The following IQCJ variants were observed in gnomAD, a reference collection of about 807,000 sequenced individuals.
The protein encoded by IQCJ is IQ motif containing J.
IQCJ carries 9 observed loss-of-function variants against 11.0 expected under a neutral mutation model. The ratio of observed to expected loss-of-function variants is 0.82; its 90% CI spans 0.49 to 1.43. IQCJ has a LOEUF of 1.43. IQCJ is among the 40% of genes most tolerant of loss of function. IQCJ has a pLI of 0.00. For synonymous variants in IQCJ, 55 were observed against 51.3 expected (o/e 1.07, Z -0.31); for missense variants, 146 against 133.2 (o/e 1.10, Z -0.47).
At chr3:159,170,960 A>G (rs1722453946) in intron 1 of IQCJ, among the ~76,000 whole-genome samples, 1 of 152,174 alleles carries the variant, frequency 6.6e-6, no homozygotes, top group Admixed American at 6.5e-5. Flanking sequence ...TATTTAAATA[A>G]CTTCTCCAGT....
intron 1 of IQCJ, among the ~76,000 whole-genome samples, chr3:159,237,479 T>G (rs1179953610): frequency 6.6e-6 from 1 of 152,214 alleles, no homozygotes; most frequent in East Asian, 1.9e-4. Context: ...TTCATTCTAA[T>G]AGTTCACACC....
chr3:159,263,750 G>A (rs1419323467), downstream of IQCJ: 38 of 985,036 alleles, frequency 3.9e-5, no homozygotes, highest in African/African-American at 7.0e-5. Flanking sequence ...TCAATAAATG[G>A]TTTTGCCTAG....
chr3:159,188,813 A>G (rs745923827), intron 1 of IQCJ, among the ~76,000 whole-genome samples: 1 of 152,130 alleles, frequency 6.6e-6, no homozygotes, highest in Non-Finnish European at 1.5e-5. Flanking sequence ...TGCCCAGCTC[A>G]TAGTAGGAGT....
chr3:159,186,191 T>A (rs1242116187), intron 1 of IQCJ, among the ~76,000 whole-genome samples: 1 of 152,168 alleles, frequency 6.6e-6, no homozygotes, highest in East Asian at 1.9e-4. Context: ...GGGGTGAGTC[T>A]GATTGGTCTA....
At chr3:159,113,814 A>G (rs1209520484) in intron 1 of IQCJ, among the ~76,000 whole-genome samples, 2 of 151,734 alleles carry the variant, frequency 1.3e-5, no homozygotes, top group Non-Finnish European at 3.0e-5. Flanking sequence ...TATGGAGCCT[A>G]AAATACTGAA....
chr3:159,088,249 TG>T (rs1383069331), intron 1 of IQCJ, among the ~76,000 whole-genome samples: 28 of 152,312 alleles, frequency 1.8e-4, no homozygotes, highest in African/African-American at 5.5e-4. Flanking sequence ...TTCTTAATCC[TG>T]AGTTCTAGTT....
At chr3:159,210,264 A>G (rs570044853) in intron 1 of IQCJ, among the ~76,000 whole-genome samples, 1 of 152,244 alleles carries the variant, frequency 6.6e-6, no homozygotes, top group Non-Finnish European at 1.5e-5. Context: ...ATTTGAAACA[A>G]TGTCAGTAAT....
chr3:159,144,536 G>A (rs1274320763), intron 1 of IQCJ, among the ~76,000 whole-genome samples: 1 of 152,084 alleles, frequency 6.6e-6, no homozygotes, highest in Non-Finnish European at 1.5e-5. Context: ...ACCTGTTCCT[G>A]GCAACATTGC....
intron 1 of IQCJ, among the ~76,000 whole-genome samples, chr3:159,188,404 C>CT (rs1723495954): frequency 6.6e-6 from 1 of 152,000 alleles, no homozygotes; most frequent in South Asian, 2.1e-4. Context: ...GAGTGAAACT[C>CT]TATCTCAAAA....
intron 1 of IQCJ, among the ~76,000 whole-genome samples, chr3:159,165,511 T>C (rs1360990402): frequency 1.3e-5 from 2 of 152,242 alleles, no homozygotes; most frequent in African/African-American, 2.4e-5. Flanking sequence ...TAAAGCTATG[T>C]CTGTATTTTC....
chr3:159,234,166 C>G (rs1048049811), intron 1 of IQCJ, among the ~76,000 whole-genome samples: 1 of 152,104 alleles, frequency 6.6e-6, no homozygotes, highest in Admixed American at 6.5e-5. Context: ...TACTTATTCT[C>G]CTAGGTATGT....
At chr3:159,228,273 T>C (rs1725975697) in intron 1 of IQCJ, among the ~76,000 whole-genome samples, 1 of 152,220 alleles carries the variant, frequency 6.6e-6, no homozygotes, top group African/African-American at 2.4e-5. Flanking sequence ...ATGTAGGCTT[T>C]CTTTCTGAAC....
intron 1 of IQCJ, among the ~76,000 whole-genome samples, chr3:159,105,313 C>T (rs1718185840): frequency 6.6e-6 from 1 of 152,190 alleles, no homozygotes; most frequent in African/African-American, 2.4e-5. Context: ...GAATTTGTTA[C>T]AATTACCACC....
At chr3:159,216,436 C>T (rs1725240008) in intron 1 of IQCJ, among the ~76,000 whole-genome samples, 1 of 152,110 alleles carries the variant, frequency 6.6e-6, no homozygotes, top group South Asian at 2.1e-4. Context: ...CCCCTTAGGT[C>T]CTGCCTTATC....
At chr3:159,237,222 C>T (rs1431913004) in intron 1 of IQCJ, among the ~76,000 whole-genome samples, 1 of 152,170 alleles carries the variant, frequency 6.6e-6, no homozygotes, top group African/African-American at 2.4e-5. Flanking sequence ...GATTTTAAAC[C>T]TGTCCAAAGA....
intron 1 of IQCJ, among the ~76,000 whole-genome samples, chr3:159,186,274 G>A (rs1452221709): frequency 1.3e-5 from 2 of 152,194 alleles, no homozygotes; most frequent in African/African-American, 4.8e-5. Flanking sequence ...TGGACATTAA[G>A]ACTAGTGAAT....
chr3:159,151,536 T>C (rs1304577796), intron 1 of IQCJ, among the ~76,000 whole-genome samples: 1 of 152,240 alleles, frequency 6.6e-6, no homozygotes, highest in South Asian at 2.1e-4. Flanking sequence ...CTCCTGTGGC[T>C]GTGGCCCTAG....
intron 1 of IQCJ, among the ~76,000 whole-genome samples, chr3:159,226,058 C>T (rs1477564854): frequency 1.3e-5 from 2 of 152,170 alleles, no homozygotes; most frequent in Admixed American, 1.3e-4. Flanking sequence ...GCTACCATGT[C>T]CTATCCAGGC....
Position 159,233,321 on chromosome 3 carries a change from G to T in IQCJ, c.10-12522G>T, listed in dbSNP as rs117628004. On this transcript the variant is annotated intron_variant, in intron 1 of 3. Coordinates refer to ENST00000397832, the MANE Select transcript of IQCJ (RefSeq NM_001042706.3). ...GGGGGGTCAAGAAAGGTTCCAAGGA[G>T]TTGACTGTCCTGATGAGTTTGGCAT... Among the ~76,000 whole-genome samples, 131 of 152,256 alleles carry T rather than the reference G, an allele frequency of 8.6e-4. No homozygotes were observed. In the East Asian group the frequency reaches 0.018, roughly 21 times the overall value.
Sources: allele counts gnomAD v4.1 joint callset (sites outside exome capture counted in the v4.1 genomes callset), GRCh38; gene constraint gnomAD v4.1.1; transcripts MANE v1.5; gene names NCBI Gene and HGNC (gene_info 2026-07-23, HGNC 2026-07-21).